Variants in ZIC3 observed in about 807,000 individuals in gnomAD.
ZIC3 encodes zinc finger protein ZIC 3.
ZIC3 carries 6 observed loss-of-function variants against 18.3 expected under a neutral mutation model. The ratio of observed to expected loss-of-function variants is 0.33; its 90% CI spans 0.18 to 0.65. The LOEUF is 0.65. Ranked by LOEUF, ZIC3 falls within the 30% of genes least tolerant of loss-of-function variation. The probability of loss-of-function intolerance (pLI) is 0.75; values close to 1 mark genes in which losing one functional copy is unlikely to be tolerated. For synonymous variants in ZIC3, 175 were observed against 177.0 expected (o/e 0.99, Z 0.09); for missense variants, 260 against 410.0 (o/e 0.63, Z 3.16).
Position 137,570,698 on chromosome X carries a change from G to A in ZIC3, c.*628G>A, listed in dbSNP as rs886222461. ...CATATCCATTGATGCCATATTTATCGTTTGTAATTTAATTATTGCTACAAG... is the reference window on the plus strand; with the variant it reads ...CATATCCATTGATGCCATATTTATCATTTGTAATTTAATTATTGCTACAAG... On this transcript the variant is annotated 3_prime_UTR_variant, in exon 3 of 3. Coordinates refer to ENST00000287538, the MANE Select transcript of ZIC3 (RefSeq NM_003413.4). 8.9e-6 allele frequency: 1 copy of A among 112,591 alleles called. No individual in the cohort carries two copies. Among genetic ancestry groups the A allele is most frequent in the African/African-American group, 3.2e-5 (1 of 30,819 alleles). 9.3% of individuals were successfully genotyped at this position (112,591 alleles called of 1,213,427 possible).
chrX:137,568,339 G>GATCTATCTATCT (rs55777198), intron 1 of ZIC3, among the ~76,000 whole-genome samples: 215 of 79,804 alleles, frequency 2.7e-3, no homozygotes, highest in South Asian at 3.5e-3. Context: ...TGGATCGATC[G>GATCTATCTATCT]ATCTATCTAT....
rs895777342 is a variant in ZIC3 at position 137,569,330 on chromosome X, T to G, written c.1224+265T>G. The stretch of plus-strand genomic sequence containing the variant: ...AGCTCTAGCCGAGCTCGCCTGGGCT[T>G]GCGGGGCTGCCGTGGCCGCCTCTTC... On this transcript the variant is annotated intron_variant, in intron 2 of 2. Coordinates refer to ENST00000287538, the MANE Select transcript of ZIC3 (RefSeq NM_003413.4). Among the ~76,000 whole-genome samples the G allele has an allele frequency of 5.4e-5, 6 of 111,837 alleles. No individual in the cohort carries two copies. In the East Asian group the frequency reaches 1.7e-3, roughly 32 times the overall value.
rs747483692 is a variant in ZIC3 at position 137,567,572 on chromosome X, A to C, written c.881A>C (p.Asn294Thr). ...MEHVGGPEQN[N>T]HVCYWEECPR... ...CATGTGGGGGGCCCGGAGCAGAACAACCACGTCTGCTACTGGGAGGAGTGC... is the reference window on the plus strand; with the variant it reads ...CATGTGGGGGGCCCGGAGCAGAACACCCACGTCTGCTACTGGGAGGAGTGC... Residue 294 changes from asparagine (N) to threonine (T), a missense_variant, in exon 1 of 3, where the codon AAC becomes ACC. Asn to Thr is a moderately conservative substitution (Grantham distance 65). This residue lies in a region of ZIC3 where 25 missense variants were observed against 58.6 expected (regional missense o/e 0.43). Transcript: ENST00000287538. 8.2e-7 allele frequency: 1 copy of C among 1,212,497 alleles called. No individual in the cohort carries two copies. The highest frequency in any genetic ancestry group is 1.1e-6 in the Non-Finnish European group (1 of 895,680).
At position 137,567,148 on chromosome X, in the gene ZIC3, A is replaced by G. The variant is rs1267957400; in HGVS notation, c.457A>G (p.Ile153Val). The G allele has an allele frequency of 1.6e-5, 19 of 1,205,990 alleles. No homozygotes were observed. The highest frequency in any genetic ancestry group is 2.0e-5 in the Non-Finnish European group (18 of 892,546). The change falls in exon 1 of 3, where the codon ATC (isoleucine) becomes GTC (valine). Residue 153 changes from isoleucine (I) to valine (V), a missense_variant. By Grantham distance (29) the Ile-to-Val change is conservative (BLOSUM62 3). Coordinates refer to ENST00000287538, the MANE Select transcript of ZIC3 (RefSeq NM_003413.4). ...GAGCAGCCTGCATGCTCCAGCTGGC[A>G]TCCCCGAGCCCCCTAGCTACTTGCT... The part of the protein sequence containing the change: ...SASSLHAPAG[I>V]PEPPSYLLFP...
At chrX:137,574,230 C>CT (rs763899219), downstream of ZIC3, 1 of 113,511 alleles carries the variant, frequency 8.8e-6, no homozygotes, top group South Asian at 3.5e-4. Context: ...CCGAAAGCCG[C>CT]TTGCGGCTCC....
chrX:137,570,015 C>G lies in ZIC3; in HGVS notation c.1349C>G (p.Thr450Ser), dbSNP rs776962220. ...DTTKTPSAVQ[T>S]STSHNPGLPP... is the part of the protein sequence containing the mutation. ...ACTAAAACCCCTTCTGCAGTTCAAA[C>G]TAGCACCAGCCACAACCCTGGACTT... The change falls in exon 3 of 3, where the codon ACT becomes AGT. Residue 450 changes from threonine to serine, a missense_variant. Thr to Ser is a moderately conservative substitution (Grantham distance 58). This residue lies in a region of ZIC3 where 52 missense variants were observed against 111.5 expected (regional missense o/e 0.47). Transcript: ENST00000287538. The G allele has an allele frequency of 8.3e-7, 1 of 1,212,119 alleles. No individual in the cohort carries two copies.
chrX:137,566,298 C>A lies in ZIC3; in HGVS notation c.-394C>A, dbSNP rs1377250311. 10 of 177,076 alleles carry A rather than the reference C, an allele frequency of 5.6e-5. No homozygotes were observed. Among genetic ancestry groups the A allele is most frequent in the Non-Finnish European group, 1.0e-4 (10 of 95,636 alleles). 14.6% of individuals were successfully genotyped at this position (177,076 alleles called of 1,213,427 possible). A position where few individuals can be genotyped will look rare whatever the true frequency, so the allele number is the denominator to read the frequency against. On this transcript the variant is annotated 5_prime_UTR_variant, in exon 1 of 3. Transcript: ENST00000287538. ...GGCCGGTACCCAGGGAGCCTCCTGG[C>A]CCCGCGGTTCTGTGCACTCGGGGAG...
At position 137,566,976 on chromosome X, in the gene ZIC3, T is replaced by C; in HGVS notation, c.285T>C (p.His95=). ...ACCATCACCACCACCATCACCATCA[T>C]CACCACACCAGCCAGGTGCCCAGCT... ...LGHHHHHHHH[H]HHTSQVPSYG... The change falls in exon 1 of 3, where the codon CAT becomes CAC. Residue 95 remains histidine (H), a synonymous_variant. Coordinates refer to ENST00000287538, the MANE Select transcript of ZIC3 (RefSeq NM_003413.4). 1 of 1,166,332 alleles carries C rather than the reference T, an allele frequency of 8.6e-7. No homozygotes were observed. The highest frequency in any genetic ancestry group is 3.3e-5 in the East Asian group (1 of 30,691).
chrX:137,569,500 C>G (rs1277069412), intron 2 of ZIC3, among the ~76,000 whole-genome samples: 2 of 112,630 alleles, frequency 1.8e-5, no homozygotes, highest in East Asian at 5.6e-4. Context: ...TCGCAGCGCT[C>G]AGGGCCCCTG....
At chrX:137,573,165 A>C (rs1201071905), downstream of ZIC3, among the ~76,000 whole-genome samples, 2 of 106,965 alleles carry the variant, frequency 1.9e-5, no homozygotes, top group East Asian at 5.9e-4. Context: ...AAAAAACCAA[A>C]CAAACCAAAA....
rs754241460 is a variant in ZIC3, at chrX:137,569,901, C to T, written c.1235C>T (p.Ser412Phe). 1 of 1,210,514 alleles carries T rather than the reference C, an allele frequency of 8.3e-7. No homozygotes were observed. The highest frequency in any genetic ancestry group is 1.8e-5 in the South Asian group (1 of 56,814). The change falls in exon 3 of 3, where the codon TCT (serine) becomes TTT (phenylalanine). Residue 412 changes from serine (S) to phenylalanine (F), a missense_variant. Coordinates refer to ENST00000287538, the MANE Select transcript of ZIC3 (RefSeq NM_003413.4). ...ACATGTTAATTTTAGGTTCATGAAT[C>T]TCAAGGGTCAGATTCCTCCCCTGCT... ...SLRKHMKVHE[S>F]QGSDSSPAAS...
chrX:137,567,789 C>G, intron 1 of ZIC3, 38 bp downstream of exon 1: 6 of 1,211,298 alleles, frequency 5.0e-6, no homozygotes, highest in Non-Finnish European at 6.7e-6. Flanking sequence ...GTTCCACTGG[C>G]GATACCCCGT....
downstream of ZIC3, among the ~76,000 whole-genome samples, chrX:137,575,050 G>T (rs899449324): frequency 3.6e-5 from 4 of 111,756 alleles, no homozygotes; most frequent in East Asian, 1.1e-3. Flanking sequence ...GACCTAAAAC[G>T]CCCCCTCCGG....
In ZIC3 at chrX:137,566,340, A is replaced by C; in HGVS notation, c.-352A>C. 3.7e-6 allele frequency: 1 copy of C among 270,364 alleles called. No individual in the cohort carries two copies. The highest frequency in any genetic ancestry group is 6.6e-6 in the Non-Finnish European group (1 of 151,808). 22.3% of individuals were successfully genotyped at this position (270,364 alleles called of 1,213,427 possible). A position where few individuals can be genotyped will look rare whatever the true frequency, so the allele number is the denominator to read the frequency against. On this transcript the variant is annotated 5_prime_UTR_variant, in exon 1 of 3. Transcript: ENST00000287538. ...CTCGGGGAGAGGAGGGGTGCCCGGG[A>C]CAGGATTGGCAAACTCCGCCCTCCA...
In ZIC3 at chrX:137,566,820, A is replaced by C; in HGVS notation, c.129A>C (p.Ser43=). ...AGMGLNPFGD[S]THAAAAAAAA... Reference sequence around the variant, plus strand: ...TGGGGCTGAATCCCTTCGGGGACTCAACCCACGCCGCCGCCGCCGCCGCCG... The same window carrying C: ...TGGGGCTGAATCCCTTCGGGGACTCCACCCACGCCGCCGCCGCCGCCGCCG... The change falls in exon 1 of 3, where the codon TCA becomes TCC. Residue 43 remains serine, a synonymous_variant. Transcript: ENST00000287538. The C allele has an allele frequency of 2.6e-6, 3 of 1,166,201 alleles. No homozygotes were observed. Among genetic ancestry groups the C allele is most frequent in the South Asian group, 1.9e-5 (1 of 52,971 alleles).
At position 137,572,048 on chromosome X, in the gene ZIC3, T is replaced by A. The variant is rs768096443; in HGVS notation, c.*1978T>A. The stretch of plus-strand genomic sequence containing the variant: ...ATCATTTTCAATTCTAGAATTTTGT[T>A]TATTGTTCTTTTTGAAGAAATAAAG... On this transcript the variant is annotated 3_prime_UTR_variant, in exon 3 of 3. Transcript: ENST00000287538. Among the ~76,000 whole-genome samples, 2 of 112,528 alleles carry A rather than the reference T, an allele frequency of 1.8e-5. No individual in the cohort carries two copies. Among genetic ancestry groups the A allele is most frequent in the African/African-American group, 6.4e-5 (2 of 31,046 alleles).
chrX:137,566,612 A>G lies in ZIC3; in HGVS notation c.-80A>G. ...CAACCGCCGCCACCCCTTTCCGACT[A>G]CGGCACTTCGGAGATCTCCTCCTTC... On this transcript the variant is annotated 5_prime_UTR_variant, in exon 1 of 3. Coordinates refer to ENST00000287538, the MANE Select transcript of ZIC3 (RefSeq NM_003413.4). The G allele has an allele frequency of 8.6e-7, 1 of 1,160,690 alleles. No individual in the cohort carries two copies.
In ZIC3 at chrX:137,570,100, A is replaced by T; in HGVS notation, c.*30A>T. ...AAACACAAACCCTGTTAATTATAGAATGGACCAAATACATTTTTAAAAGAA... is the reference window on the plus strand; with the variant it reads ...AAACACAAACCCTGTTAATTATAGATTGGACCAAATACATTTTTAAAAGAA... On this transcript the variant is annotated 3_prime_UTR_variant, in exon 3 of 3. Transcript: ENST00000287538. 4 of 1,196,431 alleles carry T rather than the reference A, an allele frequency of 3.3e-6. No homozygotes were observed. The highest frequency in any genetic ancestry group is 4.5e-6 in the Non-Finnish European group (4 of 881,651).
chrX:137,574,688 G>A (rs1197374340), downstream of ZIC3, among the ~76,000 whole-genome samples: 1 of 112,064 alleles, frequency 8.9e-6, no homozygotes, highest in East Asian at 2.9e-4. Flanking sequence ...CCGCGGCCTC[G>A]GTCGAGCTGG....
Sources: allele counts gnomAD v4.1 joint callset (sites outside exome capture counted in the v4.1 genomes callset), GRCh38; gene constraint gnomAD v4.1.1; regional missense constraint gnomAD v4.1.1; transcripts MANE v1.5; gene names NCBI Gene and HGNC (gene_info 2026-07-23, HGNC 2026-07-21).